STRIP1: variants seen among roughly 807,000 people sequenced by gnomAD.
STRIP1 encodes the protein striatin interacting protein 1.
In STRIP1, 63 loss-of-function variants were observed where a neutral mutation model predicts 106.2. The observed-to-expected ratio is 0.59, with a 90% CI of 0.48 to 0.73. The LOEUF is 0.73. Ranked by LOEUF, STRIP1 falls within the 30% of genes least tolerant of loss-of-function variation. The pLI is 0.00. For missense variants in STRIP1, 857 were observed against 1,074.8 expected (o/e 0.80, Z 2.83); for synonymous variants, 390 against 413.0 (o/e 0.94, Z 0.67).
At chr1:110,042,326 G>T (rs534028278) in intron 8 of STRIP1, among the ~76,000 whole-genome samples, 1 of 152,326 alleles carries the variant, frequency 6.6e-6, no homozygotes, top group African/African-American at 2.4e-5. Context: ...CTGGGTGCCA[G>T]AGTGGGCCGT....
intron 5 of STRIP1, chr1:110,039,779 C>A: frequency 7.5e-7 from 1 of 1,339,620 alleles, no homozygotes; most frequent in Non-Finnish European, 9.9e-7. Flanking sequence ...TGGGGTGCTC[C>A]TCAGAAGGAG....
intron 6 of STRIP1, 34 bp from the exon 7 acceptor site, chr1:110,041,502 T>C: frequency 6.5e-7 from 1 of 1,548,856 alleles, no homozygotes; most frequent in Non-Finnish European, 8.9e-7. Context: ...GACCCCCCCA[T>C]CCCACTCCAT....
intron 2 of STRIP1, among the ~76,000 whole-genome samples, 170 bp from the exon 3 acceptor site, chr1:110,038,513 A>G (rs2101767033): frequency 6.6e-6 from 1 of 152,314 alleles, no homozygotes; most frequent in Non-Finnish European, 1.5e-5. Flanking sequence ...TCTATTGTGC[A>G]CATCAGAGCA....
At position 110,041,336 on chromosome 1, in the gene STRIP1, C is replaced by T. The variant is rs983506342; in HGVS notation, c.651-200C>T. 22 of 529,962 alleles carry T rather than the reference C, an allele frequency of 4.2e-5. No homozygotes were observed. The Admixed American group carries it at 7.1e-4, about 17-fold the overall frequency. 32.8% of individuals were successfully genotyped at this position (529,962 alleles called of 1,614,324 possible). ...ACCCTGTTCTGCTTTGACCCTACAG[C>T]TCGCTACCACCTCTGTGGTTTTTTT... On this transcript the variant is annotated intron_variant, in intron 6 of 20. Transcript: ENST00000369795.
rs902667603 is a variant in STRIP1 at position 110,047,428 on chromosome 1, T to C, written c.1489-114T>C. On this transcript the variant is annotated intron_variant, in intron 13 of 20. Transcript: ENST00000369795. ...GTTCAGGGTTTGCTGTTATCATCAT[T>C]AACATCATTATGTACATCACTGTTT... is the stretch of plus-strand genomic sequence containing the variant. The C allele has an allele frequency of 2.1e-5, 16 of 763,812 alleles. No homozygotes were observed. The African/African-American group carries it at 2.8e-4, about 13-fold the overall frequency. The allele number at this position is 763,812 out of a possible 1,614,324, so 47.3% of individuals were successfully genotyped here. A position where few individuals can be genotyped will look rare whatever the true frequency, so the allele number is the denominator to read the frequency against.
At chr1:110,048,188 T>C in intron 15 of STRIP1, 1 of 318,404 alleles carries the variant, frequency 3.1e-6, no homozygotes. Context: ...CCAGCTGTGA[T>C]TGAGACACCC....
Position 110,041,627 on chromosome 1 carries a change from T to C in STRIP1, c.742T>C (p.Phe248Leu). 6.2e-7 allele frequency: 1 copy of C among 1,614,104 alleles called. No individual in the cohort carries two copies. Among genetic ancestry groups the C allele is most frequent in the Non-Finnish European group, 8.5e-7 (1 of 1,179,994 alleles). Reference protein sequence around the residue: ...KAEWRTMRQTFRAELGSPLYN... With the variant: ...KAEWRTMRQTLRAELGSPLYN... ...TGAGTGGAGGACCATGCGGCAGACCTTCAGAGCCGAGCTGGGTAGGACCCT... is the reference window on the plus strand; with the variant it reads ...TGAGTGGAGGACCATGCGGCAGACCCTCAGAGCCGAGCTGGGTAGGACCCT... Residue 248 changes from phenylalanine (F) to leucine (L), a missense_variant, in exon 7 of 21, where the codon TTC becomes CTC. Transcript: ENST00000369795.
chr1:110,050,472 C>T lies in STRIP1; in HGVS notation c.1956+63C>T, dbSNP rs992917763. 3 of 1,436,324 alleles carry T rather than the reference C, an allele frequency of 2.1e-6. No homozygotes were observed. The Middle Eastern group carries it at 5.2e-4, about 250-fold the overall frequency. 89.0% of individuals were successfully genotyped at this position (1,436,324 alleles called of 1,614,324 possible). A position where few individuals can be genotyped will look rare whatever the true frequency, so the allele number is the denominator to read the frequency against. ...CCAGGGTCAGTGGGTAGAGAGCCTG[C>T]CTACCCCAACACTGCAGGAATAGAG... On this transcript the variant is annotated intron_variant, in intron 18 of 20. Coordinates refer to ENST00000369795, the MANE Select transcript of STRIP1 (RefSeq NM_033088.4).
At chr1:110,036,453 C>T (rs967345289) in intron 1 of STRIP1, among the ~76,000 whole-genome samples, 1 of 151,732 alleles carries the variant, frequency 6.6e-6, no homozygotes, top group African/African-American at 2.4e-5. Flanking sequence ...AAACTCTCCC[C>T]GTCTCAAAAA....
chr1:110,050,437 C>G, intron 18 of STRIP1, 28 bp downstream of exon 18: 2 of 1,609,340 alleles, frequency 1.2e-6, no homozygotes, highest in Middle Eastern at 1.7e-4. Context: ...CCTCAGCTGT[C>G]CTTTTGGCAC....
At chr1:110,050,855 C>T in intron 18 of STRIP1, 101 bp from the exon 19 acceptor site, 1 of 722,140 alleles carries the variant, frequency 1.4e-6, no homozygotes. Flanking sequence ...TGGTAGAGGC[C>T]TGGAGACCCG....
intron 5 of STRIP1, 38 bp downstream of exon 5, chr1:110,039,553 C>T: frequency 6.4e-7 from 1 of 1,573,026 alleles, no homozygotes; most frequent in Non-Finnish European, 8.6e-7. Flanking sequence ...GAAGGGGAGG[C>T]TGGGATGGGA....
rs1249443377 is a variant in STRIP1, at chr1:110,050,271, T to C, written c.1890-72T>C. The C allele has an allele frequency of 3.4e-6, 5 of 1,487,400 alleles. No homozygotes were observed. The Admixed American group carries it at 5.1e-5, about 15-fold the overall frequency. 92.1% of individuals were successfully genotyped at this position (1,487,400 alleles called of 1,614,324 possible). A position where few individuals can be genotyped will look rare whatever the true frequency, so the allele number is the denominator to read the frequency against. ...TGAGGGAGGAAAGCTGGGAGCTGGC[T>C]CAGGCACGGCTGCTCCACCAGGCCC... On this transcript the variant is annotated intron_variant, in intron 17 of 20. Coordinates refer to ENST00000369795, the MANE Select transcript of STRIP1 (RefSeq NM_033088.4).
chr1:110,052,000 G>A (rs549201771), intron 20 of STRIP1, 113 bp downstream of exon 20: 1 of 1,122,708 alleles, frequency 8.9e-7, no homozygotes, highest in Non-Finnish European at 1.3e-6. Flanking sequence ...TCCCCCCAAG[G>A]AACAGGAAGG....
rs1834 is a variant in STRIP1 at position 110,039,158 on chromosome 1, T to G, written c.326-14T>G. ...TTTTCTAGGCTCAGGTGTAACTGGT[T>G]TCTTGCCCTGCAGTGACAGACAAGA... On this transcript the variant is annotated splice_polypyrimidine_tract_variant and intron_variant, in intron 3 of 20. Transcript: ENST00000369795. The G allele has an allele frequency of 0.21, 342,713 of 1,612,880 alleles. 41,638 individuals are homozygous for G. Among genetic ancestry groups the G allele is most frequent in the South Asian group, 0.45 (40,781 of 91,044 alleles).
chr1:110,037,878 CTCT>C lies in STRIP1; in HGVS notation c.181-11_181-9del, dbSNP rs1557787474. The stretch of plus-strand genomic sequence containing the variant: ...TGATCCTTTTTCCTAAAGCTCTCTC[CTCT>C]TGTCAGCAGGGCTATTCGGAGTCAC... On this transcript the variant is annotated splice_polypyrimidine_tract_variant and intron_variant, in intron 1 of 20. Coordinates refer to ENST00000369795, the MANE Select transcript of STRIP1 (RefSeq NM_033088.4). 1 of 1,594,286 alleles carries C rather than the reference CTCT, an allele frequency of 6.3e-7. No homozygotes were observed. The highest frequency in any genetic ancestry group is 1.3e-5 in the African/African-American group (1 of 74,312).
intron 12 of STRIP1, 99 bp downstream of exon 12, chr1:110,045,177 C>T (rs777064721): frequency 3.6e-6 from 4 of 1,099,384 alleles, no homozygotes; most frequent in Admixed American, 1.9e-5. Context: ...TGTCTGCCTG[C>T]AAGAACCTGG....
chr1:110,034,741 C>T lies in STRIP1; in HGVS notation c.104C>T (p.Ala35Val), dbSNP rs1431593005. 1 of 1,471,856 alleles carries T rather than the reference C, an allele frequency of 6.8e-7. No homozygotes were observed. The highest frequency in any genetic ancestry group is 1.4e-5 in the South Asian group (1 of 73,948). 91.2% of individuals were successfully genotyped at this position (1,471,856 alleles called of 1,614,324 possible). A position where few individuals can be genotyped will look rare whatever the true frequency, so the allele number is the denominator to read the frequency against. Residue 35 changes from alanine to valine, a missense_variant, in exon 1 of 21, where the codon GCA becomes GTA. Physicochemically the swap from Ala to Val is moderately conservative, Grantham distance 64. Around this residue, in one of 2 missense-constraint regions of STRIP1, gnomAD observed 107 missense variants for 85.1 expected, o/e 1.26. Transcript: ENST00000369795. ...PPAAAQPPPGAPRAAAGLLPG... is the reference protein window; with the variant it reads ...PPAAAQPPPGVPRAAAGLLPG... ...GCAGCCGCACAGCCACCACCCGGGG[C>T]ACCGCGGGCCGCCGCGGGCCTCCTG...
intron 12 of STRIP1, 133 bp downstream of exon 12, chr1:110,045,211 C>T: frequency 2.8e-6 from 2 of 718,872 alleles, no homozygotes; most frequent in Non-Finnish European, 2.4e-6. Flanking sequence ...GTGGACTTTG[C>T]AATAACCTTG....
Sources: allele counts gnomAD v4.1 joint callset (sites outside exome capture counted in the v4.1 genomes callset), GRCh38; gene constraint gnomAD v4.1.1; regional missense constraint gnomAD v4.1.1; transcripts MANE v1.5; gene names NCBI Gene and HGNC (gene_info 2026-07-23, HGNC 2026-07-21).